The following SORT1 variants were observed in gnomAD, a reference collection of about 807,000 sequenced individuals.
SORT1 encodes the protein sortilin.
Under a neutral mutation model 101.7 loss-of-function variants are expected in SORT1, and 39 were observed. That is an observed-to-expected ratio of 0.38 (90% confidence interval 0.30 to 0.50). The LOEUF (loss-of-function observed/expected upper bound fraction) is 0.50, where lower values mean the gene tolerates loss of function less well. Ranked by LOEUF, SORT1 falls within the 20% of genes least tolerant of loss-of-function variation. The pLI is 0.90. For missense variants in SORT1, 878 were observed against 1,040.4 expected (o/e 0.84, Z 2.15); for synonymous variants, 396 against 393.7 (o/e 1.01, Z -0.07).
At chr1:109,341,419 T>G (rs1195768635) in intron 9 of SORT1, among the ~76,000 whole-genome samples, 2 of 151,976 alleles carry the variant, frequency 1.3e-5, no homozygotes, top group African/African-American at 4.8e-5. Flanking sequence ...CGATCTCAGC[T>G]CACTGCAAGC....
At chr1:109,363,010 A>C (rs1420660634) in intron 3 of SORT1, among the ~76,000 whole-genome samples, 2 of 152,224 alleles carry the variant, frequency 1.3e-5, no homozygotes, top group Non-Finnish European at 2.9e-5. Context: ...TCCTTTTAAA[A>C]AAATCTCAAG....
chr1:109,351,014 T>A lies in SORT1; in HGVS notation c.709-12A>T. The A allele has an allele frequency of 6.4e-7, 1 of 1,563,672 alleles. No homozygotes were observed. The highest frequency in any genetic ancestry group is 8.8e-7 in the Non-Finnish European group (1 of 1,133,844). On this transcript the variant is annotated splice_polypyrimidine_tract_variant and intron_variant, in intron 5 of 19. Coordinates refer to ENST00000256637, the MANE Select transcript of SORT1 (RefSeq NM_002959.7). ...ACCCACAGGCCATTCTGAAAGATTA[T>A]AAATGACTTATCAAAATTCTAGCTT...
chr1:109,371,812 T>G (rs1488592841), intron 1 of SORT1, among the ~76,000 whole-genome samples: 2 of 152,190 alleles, frequency 1.3e-5, no homozygotes, highest in African/African-American at 4.8e-5. Flanking sequence ...TCTACTGCCC[T>G]TAAGCTGTCC....
chr1:109,335,291 G>A (rs1648737083), intron 11 of SORT1, among the ~76,000 whole-genome samples: 1 of 152,144 alleles, frequency 6.6e-6, no homozygotes, highest in Non-Finnish European at 1.5e-5. Flanking sequence ...GGCATGGGGA[G>A]CCTGCAGGCA....
chr1:109,372,163 C>G (rs1651517526), intron 1 of SORT1, among the ~76,000 whole-genome samples: 1 of 152,296 alleles, frequency 6.6e-6, no homozygotes, highest in East Asian at 1.9e-4. Flanking sequence ...ATTCACAAGT[C>G]AGCACAAAGC....
intron 2 of SORT1, among the ~76,000 whole-genome samples, chr1:109,369,179 G>A (rs1557815614): frequency 6.6e-6 from 1 of 152,138 alleles, no homozygotes; most frequent in African/African-American, 2.4e-5. Flanking sequence ...AAAATCAGCT[G>A]TGCATGGTGG....
At chr1:109,361,354 C>A (rs1650709986) in intron 3 of SORT1, among the ~76,000 whole-genome samples, 1 of 152,176 alleles carries the variant, frequency 6.6e-6, no homozygotes, top group African/African-American at 2.4e-5. Context: ...TACTGTCCAA[C>A]AACAAGTTCC....
At chr1:109,392,724 T>G (rs1652984369) in intron 1 of SORT1, 1 of 984,684 alleles carries the variant, frequency 1.0e-6, no homozygotes, top group Non-Finnish European at 1.2e-6. Context: ...CTGCTGATAC[T>G]TCTTACTGAA....
In SORT1 at chr1:109,339,534, T is replaced by C. The variant is rs111482094; in HGVS notation, c.1264+1190A>G. 6.0e-3 allele frequency among the ~76,000 whole-genome samples: 917 copies of C among 152,288 alleles called. 7 individuals are homozygous for C. Among genetic ancestry groups the C allele is most frequent in the African/African-American group, 0.021 (853 of 41,558 alleles). On this transcript the variant is annotated intron_variant, in intron 10 of 19. Transcript: ENST00000256637. ...TCATTAGAGAAATGCAAATCAAAGC[T>C]ATAAACGAGATAGTATTTCACTCCC... is the stretch of plus-strand genomic sequence containing the variant.
At chr1:109,383,364 G>C (rs1390419203) in intron 1 of SORT1, among the ~76,000 whole-genome samples, 1 of 152,164 alleles carries the variant, frequency 6.6e-6, no homozygotes, top group Admixed American at 6.5e-5. Flanking sequence ...TACATGCTCT[G>C]AGCTACTGAA....
intron 1 of SORT1, among the ~76,000 whole-genome samples, chr1:109,376,811 A>G (rs961068164): frequency 6.6e-6 from 1 of 152,208 alleles, no homozygotes; most frequent in Admixed American, 6.5e-5. Context: ...TGATGGGATC[A>G]TTTGTATCCC....
intron 10 of SORT1, among the ~76,000 whole-genome samples, chr1:109,339,288 T>C (rs1649054685): frequency 6.6e-6 from 1 of 152,206 alleles, no homozygotes; most frequent in Non-Finnish European, 1.5e-5. Flanking sequence ...GTGTTCACTG[T>C]ATGGTTTTGA....
intron 1 of SORT1, 32 bp downstream of exon 1, chr1:109,397,555 C>A: frequency 8.7e-7 from 1 of 1,149,776 alleles, no homozygotes. Context: ...CACCTCGCAC[C>A]CGAGCGGCTC....
At position 109,372,965 on chromosome 1, in the gene SORT1, G is replaced by T. The variant is rs551047214; in HGVS notation, c.307-3376C>A. Among the ~76,000 whole-genome samples the T allele has an allele frequency of 6.6e-5, 10 of 151,606 alleles. No homozygotes were observed. The East Asian group carries it at 1.7e-3, about 27-fold the overall frequency. ...TAGCTACTCGGGAGGCTGAGGCAGA[G>T]AATTGCTTGAACCCGAGAGGCGGAG... On this transcript the variant is annotated intron_variant, in intron 1 of 19. Coordinates refer to ENST00000256637, the MANE Select transcript of SORT1 (RefSeq NM_002959.7).
chr1:109,329,032 G>A (rs1168875960), intron 11 of SORT1, among the ~76,000 whole-genome samples: 1 of 152,104 alleles, frequency 6.6e-6, no homozygotes, highest in African/African-American at 2.4e-5. Flanking sequence ...AGAGGACCCA[G>A]CCTCCAAGCT....
chr1:109,396,021 C>T (rs1455702600), intron 1 of SORT1, among the ~76,000 whole-genome samples: 1 of 151,934 alleles, frequency 6.6e-6, no homozygotes, highest in African/African-American at 2.4e-5. Flanking sequence ...GAGGTCAGGG[C>T]TGCAGTGAGC....
At chr1:109,392,529 C>T in intron 1 of SORT1, 1 of 779,684 alleles carries the variant, frequency 1.3e-6, no homozygotes, top group Non-Finnish European at 1.6e-6. Flanking sequence ...ACATGAGACT[C>T]AGATTTCTAA....
At position 109,346,011 on chromosome 1, in the gene SORT1, A is replaced by G. The variant is rs1457895546; in HGVS notation, c.833-130T>C. 4 of 793,338 alleles carry G rather than the reference A, an allele frequency of 5.0e-6. No homozygotes were observed. The East Asian group carries it at 1.1e-4, about 21-fold the overall frequency. The allele number at this position is 793,338 out of a possible 1,614,324, so 49.1% of individuals were successfully genotyped here. On this transcript the variant is annotated intron_variant, in intron 7 of 19. Transcript: ENST00000256637. The stretch of plus-strand genomic sequence containing the variant: ...TACTATGCATGTTAATCAAGTGACA[A>G]CATAAAATGTGATACAGCGGCCAGG...
intron 6 of SORT1, 89 bp from the exon 7 acceptor site, chr1:109,347,621 A>G: frequency 5.6e-6 from 5 of 887,308 alleles, no homozygotes; most frequent in Non-Finnish European, 9.4e-6. Context: ...TAGCAGGTCT[A>G]ACAAGCTTCA....
Sources: gnomAD v4.1 joint callset for allele counts (sites outside exome capture counted in the v4.1 genomes callset) on GRCh38, gnomAD v4.1.1 for gene constraint, MANE v1.5 for transcripts, NCBI Gene and HGNC (gene_info 2026-07-23, HGNC 2026-07-21) for gene names.